The following LAMC1 variants were observed in gnomAD, a reference collection of about 807,000 sequenced individuals.
The protein encoded by LAMC1 is laminin subunit gamma-1.
Under a neutral mutation model 173.6 loss-of-function variants are expected in LAMC1, and 38 were observed. That is an observed-to-expected ratio of 0.22 (90% CI 0.17 to 0.29). The LOEUF is 0.29. LAMC1 is among the 10% of genes least tolerant of loss of function. The pLI is 1.00. For synonymous variants in LAMC1, 746 were observed against 749.1 expected (o/e 1.00, Z 0.07); for missense variants, 1,824 against 2,051.8 (o/e 0.89, Z 2.14).
chr1:183,116,988 A>C, intron 8 of LAMC1, 85 bp downstream of exon 8: 2 of 1,370,446 alleles, frequency 1.5e-6, no homozygotes, highest in Non-Finnish European at 2.0e-6. Context: ...TGACTCTTTG[A>C]GGGCTTTTTG....
chr1:183,090,360 G>A (rs1655535227), intron 1 of LAMC1, among the ~76,000 whole-genome samples: 1 of 152,162 alleles, frequency 6.6e-6, no homozygotes, highest in African/African-American at 2.4e-5. Context: ...TTCAAGCACA[G>A]CCCATGAGAG....
chr1:183,126,032 A>G (rs1384688348), intron 15 of LAMC1, 88 bp from the exon 16 acceptor site: 1 of 1,257,648 alleles, frequency 8.0e-7, no homozygotes, highest in Non-Finnish European at 1.1e-6. Context: ...CAAGTTACAA[A>G]TTACATCAGT....
At chr1:183,126,069 T>C (rs1474399456) in intron 15 of LAMC1, 51 bp from the exon 16 acceptor site, 2 of 1,560,558 alleles carry the variant, frequency 1.3e-6, no homozygotes, top group African/African-American at 1.4e-5. Context: ...AAAAAAGTTG[T>C]GCTTAAAGTC....
chr1:183,076,243 G>A lies in LAMC1; in HGVS notation c.419-27085G>A, dbSNP rs148370579. 6.9e-4 allele frequency among the ~76,000 whole-genome samples: 105 copies of A among 152,252 alleles called. 1 individual carries two copies. The highest frequency in any genetic ancestry group is 2.2e-3 in the African/African-American group (92 of 41,550). On this transcript the variant is annotated intron_variant, in intron 1 of 27. Transcript: ENST00000258341. ...ATCCCATCACCCTTTGGAAGTTTGCGTGCTTTCCAAGCTTTTTTTGTTATT... is the reference window on the plus strand; with the variant it reads ...ATCCCATCACCCTTTGGAAGTTTGCATGCTTTCCAAGCTTTTTTTGTTATT...
Position 183,121,884 on chromosome 1 carries a change from T to C in LAMC1, c.2152T>C (p.Tyr718His). 1 of 1,614,206 alleles carries C rather than the reference T, an allele frequency of 6.2e-7. No homozygotes were observed. The highest frequency in any genetic ancestry group is 8.5e-7 in the Non-Finnish European group (1 of 1,180,042). ...AAGAGAAACTCCTAATCTTGGACCA[T>C]ACAGTCCATGTGTGCTTTGCGCCTG... Reference protein sequence around the residue: ...YRRETPNLGPYSPCVLCACNG... With the variant: ...YRRETPNLGPHSPCVLCACNG... The change falls in exon 12 of 28, where the codon TAC becomes CAC. Residue 718 changes from tyrosine (Y) to histidine (H), a missense_variant. Transcript: ENST00000258341.
intron 1 of LAMC1, among the ~76,000 whole-genome samples, chr1:183,064,136 C>T (rs1654806120): frequency 6.6e-6 from 1 of 152,182 alleles, no homozygotes; most frequent in Non-Finnish European, 1.5e-5. Context: ...TAGGCTTTCT[C>T]TGGCATTGGA....
At position 183,103,308 on chromosome 1, in the gene LAMC1, T is replaced by TTA. The variant is rs1162989047; in HGVS notation, c.419-19_419-18insAT. On this transcript the variant is annotated intron_variant, in intron 1 of 27. Coordinates refer to ENST00000258341, the MANE Select transcript of LAMC1 (RefSeq NM_002293.4). ...GCTTCATACGTATGATTTATGACCT[T>TTA]TGATGTGTTTGTCCCACAGGAAAAG... 3 of 1,606,214 alleles carry TTA rather than the reference T, an allele frequency of 1.9e-6. No individual in the cohort carries two copies. Among genetic ancestry groups the TTA allele is most frequent in the Non-Finnish European group, 1.7e-6 (2 of 1,175,804 alleles).
chr1:183,068,622 T>G (rs900037817), intron 1 of LAMC1, among the ~76,000 whole-genome samples: 2 of 152,100 alleles, frequency 1.3e-5, no homozygotes, highest in African/African-American at 4.8e-5. Flanking sequence ...TGTTTCACAA[T>G]TCATGACTTT....
rs1365107478 is a variant in LAMC1, at chr1:183,052,848, AC to A, written c.418+28717del. Among the ~76,000 whole-genome samples the A allele has an allele frequency of 1.7e-4, 26 of 152,300 alleles. 1 individual carries two copies. In the South Asian group the frequency reaches 2.7e-3, roughly 16 times the overall value. ...CATCAAATTATTTGGGTTAAATAAA[AC>A]CCTTTATTTCCATTTTCTTCTCCCT... is the stretch of plus-strand genomic sequence containing the variant. On this transcript the variant is annotated intron_variant, in intron 1 of 27. Coordinates refer to ENST00000258341, the MANE Select transcript of LAMC1 (RefSeq NM_002293.4).
In LAMC1 at chr1:183,130,511, A is replaced by G. The variant is rs1269218471; in HGVS notation, c.3448A>G (p.Arg1150Gly). Residue 1150 changes from arginine (R) to glycine (G), a missense_variant, in exon 19 of 28, where the codon AGA (arginine) becomes GGA (glycine). Transcript: ENST00000258341. ...AGAGCGGTTGATTGAAATCGCATCC[A>G]GAGAACTTGAGAAAGCAAAAGTCGC... is the stretch of plus-strand genomic sequence containing the variant. ...NTERLIEIASRELEKAKVAAA... is the reference protein window; with the variant it reads ...NTERLIEIASGELEKAKVAAA... The G allele has an allele frequency of 1.2e-6, 2 of 1,614,130 alleles. No homozygotes were observed. Among genetic ancestry groups the G allele is most frequent in the Admixed American group, 3.3e-5 (2 of 60,006 alleles).
At chr1:183,105,111 C>T (rs1201876176) in intron 2 of LAMC1, among the ~76,000 whole-genome samples, 1 of 149,390 alleles carries the variant, frequency 6.7e-6, no homozygotes, top group Non-Finnish European at 1.5e-5. Context: ...TCCCAGCTAC[C>T]CTGGCTGGGA....
At chr1:183,040,867 A>G (rs1309142441) in intron 1 of LAMC1, among the ~76,000 whole-genome samples, 1 of 152,244 alleles carries the variant, frequency 6.6e-6, no homozygotes, top group East Asian at 1.9e-4. Flanking sequence ...GAATGTGTGT[A>G]TCAACAAATT....
rs896352923 is a variant in LAMC1, at chr1:183,078,425, C to CA, written c.419-24896dup. 2.0e-5 allele frequency among the ~76,000 whole-genome samples: 3 copies of CA among 151,466 alleles called. No individual in the cohort carries two copies. The East Asian group carries it at 5.9e-4, about 30-fold the overall frequency. On this transcript the variant is annotated intron_variant, in intron 1 of 27. Transcript: ENST00000258341. ...TGAAACCTCGTCTCTACTAAAAATA[C>CA]AAAAAAATTAGCCGGGTGTGGTGGT...
At position 183,036,736 on chromosome 1, in the gene LAMC1, T is replaced by A. The variant is rs140461587; in HGVS notation, c.418+12602T>A. Among the ~76,000 whole-genome samples the A allele has an allele frequency of 4.7e-3, 714 of 151,976 alleles. 2 individuals carry two copies. The highest frequency in any genetic ancestry group is 7.2e-3 in the Non-Finnish European group (489 of 67,980). On this transcript the variant is annotated intron_variant, in intron 1 of 27. Transcript: ENST00000258341. ...ATCCTCTGTAAAAAACACATTACGC[T>A]TATTTGTGAAGAACAAAGGATTGTT...
At chr1:183,138,286 T>G (rs1489076111) in intron 26 of LAMC1, 1 of 706,242 alleles carries the variant, frequency 1.4e-6, no homozygotes, top group Non-Finnish European at 1.7e-6. Flanking sequence ...TACATCTAGT[T>G]TAATTTTTCA....
chr1:183,107,164 A>G (rs1235573502), intron 2 of LAMC1, among the ~76,000 whole-genome samples: 2 of 152,194 alleles, frequency 1.3e-5, no homozygotes, highest in African/African-American at 4.8e-5. Flanking sequence ...GGTTTCTTCA[A>G]ATTCATTCAT....
intron 11 of LAMC1, among the ~76,000 whole-genome samples, chr1:183,120,879 A>AC (rs949088432): frequency 6.6e-6 from 1 of 152,074 alleles, no homozygotes; most frequent in African/African-American, 2.4e-5. Context: ...AAATTATGTA[A>AC]CCTGAGTATT....
At chr1:183,130,180 C>T (rs1463022811) in intron 18 of LAMC1, among the ~76,000 whole-genome samples, 164 bp from the exon 19 acceptor site, 8 of 152,150 alleles carry the variant, frequency 5.3e-5, no homozygotes, top group Non-Finnish European at 1.2e-4. Context: ...GAAGGACCTA[C>T]TGGGTGTGGT....
At chr1:183,105,007 A>G (rs1167978102) in intron 2 of LAMC1, among the ~76,000 whole-genome samples, 3 of 151,566 alleles carry the variant, frequency 2.0e-5, no homozygotes, top group Non-Finnish European at 2.9e-5. Context: ...TCAGGCATTC[A>G]AAACCCACCT....
Sources: allele counts gnomAD v4.1 joint callset (sites outside exome capture counted in the v4.1 genomes callset), GRCh38; gene constraint gnomAD v4.1.1; transcripts MANE v1.5; gene names NCBI Gene and HGNC (gene_info 2026-07-23, HGNC 2026-07-21).